RBFOX3: variants seen among roughly 807,000 people sequenced by gnomAD.
RBFOX3 encodes RNA binding protein fox-1 homolog 3.
A neutral mutation model predicts 48.7 loss-of-function variants in RBFOX3; 17 were observed. That is an observed-to-expected ratio of 0.35 (90% CI 0.24 to 0.52). The LOEUF is 0.52. RBFOX3 is among the 20% of genes least tolerant of loss of function. The pLI is 0.94. For missense variants in RBFOX3, 382 were observed against 497.5 expected, an observed-to-expected ratio of 0.77 and a Z score of 2.21; for synonymous variants, 212 against 209.5, an observed-to-expected ratio of 1.01 and a Z score of -0.10.
rs1281576727 is a variant in RBFOX3 at position 79,103,101 on chromosome 17, G to A, written c.507+61C>T. On this transcript the variant is annotated intron_variant, in intron 8 of 14. Coordinates refer to ENST00000693108, the MANE Select transcript of RBFOX3 (RefSeq NM_001350451.2). The surrounding 1 kb of genome is among the most constrained non-coding windows in gnomAD (Gnocchi z 6.1). ...CAGTGGCAGGGCTGGTTGGTTGGGGGAGCTGGGGGGCAGGTGGGCGATCTT... is the reference window on the plus strand; with the variant it reads ...CAGTGGCAGGGCTGGTTGGTTGGGGAAGCTGGGGGGCAGGTGGGCGATCTT... The A allele has an allele frequency of 7.8e-6, 10 of 1,282,382 alleles. No homozygotes were observed. Among genetic ancestry groups the A allele is most frequent in the Non-Finnish European group, 9.9e-6 (9 of 904,812 alleles). 79.4% of individuals were successfully genotyped at this position (1,282,382 alleles called of 1,614,324 possible). A position where few individuals can be genotyped will look rare whatever the true frequency, so the allele number is the denominator to read the frequency against.
At chr17:79,513,631 T>G (rs1708860) in intron 1 of RBFOX3, among the ~76,000 whole-genome samples, 148,184 of 152,274 alleles carry the variant, frequency 0.97, 72,124 homozygotes, top group Non-Finnish European at 0.98. Flanking sequence ...ATCACAGCTC[T>G]GCCTCTTACC....
chr17:79,229,122 G>A (rs939887478), intron 4 of RBFOX3, among the ~76,000 whole-genome samples: 1 of 150,054 alleles, frequency 6.7e-6, no homozygotes, highest in African/African-American at 2.5e-5. Context: ...CCAGCTACTT[G>A]GGAGGCTGAG....
At chr17:79,174,758 C>G (rs576804757) in intron 4 of RBFOX3, among the ~76,000 whole-genome samples, 57 of 151,846 alleles carry the variant, frequency 3.8e-4, no homozygotes, top group African/African-American at 1.4e-3. Flanking sequence ...GACGCACACA[C>G]AACACACTTG....
At chr17:79,126,455 C>T (rs1017556903) in intron 4 of RBFOX3, among the ~76,000 whole-genome samples, 4 of 151,530 alleles carry the variant, frequency 2.6e-5, no homozygotes, top group Non-Finnish European at 4.4e-5. Context: ...GCTGGTGACC[C>T]GGGGGCTGAC....
intron 2 of RBFOX3, among the ~76,000 whole-genome samples, chr17:79,332,978 TAG>T (rs1948945544): frequency 1.2e-5 from 1 of 83,636 alleles, no homozygotes; most frequent in African/African-American, 4.6e-5. Flanking sequence ...CAGAAAGAGG[TAG>T]AGAGACAGAG....
intron 1 of RBFOX3, among the ~76,000 whole-genome samples, chr17:79,509,637 G>A (rs1349704595): frequency 6.6e-5 from 10 of 152,092 alleles, no homozygotes; most frequent in Non-Finnish European, 1.2e-4. Context: ...CAGGGTCGGC[G>A]CCTGGGAGAG....
chr17:79,395,214 C>T (rs985516284), intron 2 of RBFOX3, among the ~76,000 whole-genome samples: 1 of 152,248 alleles, frequency 6.6e-6, no homozygotes, highest in Non-Finnish European at 1.5e-5. Context: ...TGAGCTGACA[C>T]CGGACCCAGC....
At chr17:79,095,418 G>C in intron 13 of RBFOX3, 95 bp downstream of exon 13, 2 of 1,146,400 alleles carry the variant, frequency 1.7e-6, no homozygotes, top group South Asian at 3.0e-5. Context: ...GGAAGAGTGG[G>C]TTACGCCTCC....
intron 4 of RBFOX3, among the ~76,000 whole-genome samples, chr17:79,213,436 C>G (rs1220968879): frequency 6.6e-6 from 1 of 152,222 alleles, no homozygotes; most frequent in Non-Finnish European, 1.5e-5. Flanking sequence ...GCTACCAGGA[C>G]CTAAATCCAG....
At position 79,243,801 on chromosome 17, in the gene RBFOX3, G is replaced by A. The variant is rs1032011888; in HGVS notation, c.-73-7996C>T. On this transcript the variant is annotated intron_variant, in intron 3 of 14. Transcript: ENST00000693108. The surrounding 1 kb of genome is among the most constrained non-coding windows in gnomAD (Gnocchi z 7.9). Reference sequence around the variant, plus strand: ...AAGGAATTTTGCCAAGGTTGACACAGCTTCCAAAGGGCAGAGCCAAGACAA... The same window carrying A: ...AAGGAATTTTGCCAAGGTTGACACAACTTCCAAAGGGCAGAGCCAAGACAA... Among the ~76,000 whole-genome samples the A allele has an allele frequency of 2.6e-5, 4 of 152,144 alleles. No individual in the cohort carries two copies. Among genetic ancestry groups the A allele is most frequent in the Admixed American group, 2.6e-4 (4 of 15,276 alleles).
intron 3 of RBFOX3, among the ~76,000 whole-genome samples, chr17:79,240,289 C>T (rs1310606194): frequency 1.3e-5 from 2 of 152,150 alleles, no homozygotes; most frequent in Non-Finnish European, 2.9e-5. Context: ...AGACAACTGG[C>T]CAGAAAAAAA....
Position 79,480,413 on chromosome 17 carries a change from C to T in RBFOX3, c.-175+2041G>A, listed in dbSNP as rs2078611732. Among the ~76,000 whole-genome samples the T allele has an allele frequency of 6.6e-6, 1 of 152,160 alleles. No homozygotes were observed. Among genetic ancestry groups the T allele is most frequent in the Non-Finnish European group, 1.5e-5 (1 of 68,020 alleles). ...GCTGTCCCTTGCTTCCACTCTGTCCCCCTCACAGAAGGCAGAGACACCTTT... is the reference window on the plus strand; with the variant it reads ...GCTGTCCCTTGCTTCCACTCTGTCCTCCTCACAGAAGGCAGAGACACCTTT... On this transcript the variant is annotated intron_variant, in intron 2 of 14. Coordinates refer to ENST00000693108, the MANE Select transcript of RBFOX3 (RefSeq NM_001350451.2). This position sits in a 1 kb window ranked among gnomAD's most constrained non-coding sequence, Gnocchi z 4.8.
chr17:79,129,224 T>C (rs2038142011), intron 4 of RBFOX3, among the ~76,000 whole-genome samples: 1 of 152,206 alleles, frequency 6.6e-6, no homozygotes, highest in Non-Finnish European at 1.5e-5. Flanking sequence ...AGTACATTAT[T>C]TCATTTAATC....
At chr17:79,509,721 G>A (rs909721272) in intron 1 of RBFOX3, among the ~76,000 whole-genome samples, 32 of 152,020 alleles carry the variant, frequency 2.1e-4, no homozygotes, top group African/African-American at 7.2e-4. Flanking sequence ...GGCCCTCGGT[G>A]ACAGCTGGGG....
chr17:79,561,789 G>C (rs1164965954), intron 1 of RBFOX3, among the ~76,000 whole-genome samples: 2 of 152,178 alleles, frequency 1.3e-5, no homozygotes, highest in African/African-American at 4.8e-5. Flanking sequence ...GGGCACATGA[G>C]GGTAGGGACT....
intron 2 of RBFOX3, among the ~76,000 whole-genome samples, chr17:79,461,120 G>C (rs146711127): frequency 6.1e-4 from 93 of 152,308 alleles, no homozygotes; most frequent in Middle Eastern, 3.4e-3. Context: ...TCTCCTCCAT[G>C]AAACGGCAAG....
At chr17:79,445,472 C>T (rs1378997574) in intron 2 of RBFOX3, among the ~76,000 whole-genome samples, 1 of 152,160 alleles carries the variant, frequency 6.6e-6, no homozygotes, top group Non-Finnish European at 1.5e-5. Flanking sequence ...GCCTCAGGAC[C>T]CGCCTCGATT....
chr17:79,548,401 C>A (rs2090752029), intron 1 of RBFOX3, among the ~76,000 whole-genome samples: 1 of 152,238 alleles, frequency 6.6e-6, no homozygotes, highest in Admixed American at 6.5e-5. Context: ...AAGTCAGCGT[C>A]CTGCCTGTGG....
chr17:79,643,230 C>T, the RBFOX3 span, among the ~76,000 whole-genome samples: 8 of 152,042 alleles, frequency 5.3e-5, no homozygotes, highest in South Asian at 4.1e-4. Flanking sequence ...AGTAACATCA[C>T]GTAATATTAA....
Sources: gnomAD v4.1 joint callset for allele counts (sites outside exome capture counted in the v4.1 genomes callset) on GRCh38, gnomAD v4.1.1 for gene constraint, Gnocchi (gnomAD v3.1) non-coding constraint, MANE v1.5 for transcripts, NCBI Gene and HGNC (gene_info 2026-07-23, HGNC 2026-07-21) for gene names.